Variants in MAP3K1 observed in about 807,000 individuals in gnomAD.
The protein encoded by MAP3K1 is MAP/ERK kinase kinase 1.
In MAP3K1, 36 loss-of-function variants were observed where a neutral mutation model predicts 144.2. That is an observed-to-expected ratio of 0.25 (90% confidence interval 0.19 to 0.33). The LOEUF (loss-of-function observed/expected upper bound fraction) is 0.33, where lower values mean the gene tolerates loss of function less well. MAP3K1 is among the 10% of genes least tolerant of loss of function. The pLI is 1.00. For missense variants in MAP3K1, 1,650 were observed against 1,881.9 expected (o/e 0.88, Z 2.28); for synonymous variants, 718 against 688.7 (o/e 1.04, Z -0.67).
At position 56,884,646 on chromosome 5, in the gene MAP3K1, C is replaced by T. The variant is rs371532733; in HGVS notation, c.3820-18C>T. On this transcript the variant is annotated intron_variant, in intron 15 of 19. Coordinates refer to ENST00000399503, the MANE Select transcript of MAP3K1 (RefSeq NM_005921.2). Reference sequence around the variant, plus strand: ...GTGAAAATATGCAAAACTTTGTGAACGTGTTTATTTGAAACAGGTGACTTA... The same window carrying T: ...GTGAAAATATGCAAAACTTTGTGAATGTGTTTATTTGAAACAGGTGACTTA... The T allele has an allele frequency of 9.1e-5, 147 of 1,612,526 alleles. No individual in the cohort carries two copies. Among genetic ancestry groups the T allele is most frequent in the Middle Eastern group, 3.3e-4 (2 of 6,074 alleles).
At chr5:56,842,525 A>ATAG (rs1746845442) in intron 1 of MAP3K1, among the ~76,000 whole-genome samples, 1 of 152,204 alleles carries the variant, frequency 6.6e-6, no homozygotes, top group Non-Finnish European at 1.5e-5. Flanking sequence ...GCTAGCTTTA[A>ATAG]TAGTAGTAGT....
intron 1 of MAP3K1, among the ~76,000 whole-genome samples, chr5:56,833,733 G>A (rs1746564747): frequency 6.6e-6 from 1 of 151,974 alleles, no homozygotes; most frequent in African/African-American, 2.4e-5. Flanking sequence ...TTTAATTAAT[G>A]TGTTTTAATT....
chr5:56,859,778 C>T lies in MAP3K1; in HGVS notation c.697C>T (p.Pro233Ser). ...SEMNHLAAES[P>S]GEVQASAASP... ...AATGAATCACTTAGCAGCTGAGTCTCCAGGAGAGGTCCAGGCAAGTGCGGC... is the reference window on the plus strand; with the variant it reads ...AATGAATCACTTAGCAGCTGAGTCTTCAGGAGAGGTCCAGGCAAGTGCGGC... The change falls in exon 3 of 20, where the codon CCA becomes TCA. Residue 233 changes from proline (P) to serine (S), a missense_variant. Coordinates refer to ENST00000399503, the MANE Select transcript of MAP3K1 (RefSeq NM_005921.2). 6.8e-6 allele frequency: 11 copies of T among 1,614,034 alleles called. No individual in the cohort carries two copies. Among genetic ancestry groups the T allele is most frequent in the Non-Finnish European group, 9.3e-6 (11 of 1,180,004 alleles).
chr5:56,860,784 C>A (rs1189285686), intron 3 of MAP3K1, among the ~76,000 whole-genome samples: 2 of 151,856 alleles, frequency 1.3e-5, no homozygotes, highest in East Asian at 3.9e-4. Flanking sequence ...ACCCAGGAGG[C>A]AGAGGTTGCA....
intron 1 of MAP3K1, among the ~76,000 whole-genome samples, chr5:56,835,771 T>G (rs1746635839): frequency 6.6e-6 from 1 of 151,796 alleles, no homozygotes; most frequent in Non-Finnish European, 1.5e-5. Context: ...AGGAAAAAGT[T>G]TTATTTGTGG....
intron 3 of MAP3K1, 44 bp from the exon 4 acceptor site, chr5:56,864,690 T>C (rs1747621956): frequency 6.2e-7 from 1 of 1,602,144 alleles, no homozygotes; most frequent in Non-Finnish European, 8.6e-7. Flanking sequence ...AGTTTCTTAA[T>C]TAAGAAATGA....
intron 17 of MAP3K1, 94 bp downstream of exon 17, chr5:56,886,157 A>T (rs1748373013): frequency 3.0e-6 from 3 of 1,016,096 alleles, no homozygotes; most frequent in Non-Finnish European, 3.0e-6. Context: ...TAATCCCAGT[A>T]CTTTGGGAGG....
At position 56,865,339 on chromosome 5, in the gene MAP3K1, G is replaced by T; in HGVS notation, c.1036-1G>T. 1 of 1,570,476 alleles carries T rather than the reference G, an allele frequency of 6.4e-7. No homozygotes were observed. The highest frequency in any genetic ancestry group is 8.8e-7 in the Non-Finnish European group (1 of 1,140,522). ...TATAGGTTTTCTTTTTAACTCTTTA[G>T]AACTGCAGCTGTGCACGTGGAACAT... On this transcript the variant is annotated splice_acceptor_variant, in intron 4 of 19. Coordinates refer to ENST00000399503, the MANE Select transcript of MAP3K1 (RefSeq NM_005921.2). LOFTEE classifies it high-confidence loss of function.
At chr5:56,892,859 G>T (rs1451586102) in intron 19 of MAP3K1, among the ~76,000 whole-genome samples, 1 of 151,596 alleles carries the variant, frequency 6.6e-6, no homozygotes, top group East Asian at 1.9e-4. Context: ...TTAAAATATG[G>T]TTATTGCAGC....
intron 8 of MAP3K1, 39 bp downstream of exon 8, chr5:56,872,761 A>T (rs747614663): frequency 6.9e-6 from 11 of 1,603,250 alleles, no homozygotes; most frequent in South Asian, 5.5e-5. Context: ...TTTAATTTTT[A>T]AAAATTTCTC....
In MAP3K1 at chr5:56,815,936, C is replaced by A; in HGVS notation, c.363C>A (p.Gly121=). The A allele has an allele frequency of 7.9e-7, 1 of 1,263,068 alleles. No individual in the cohort carries two copies. Among genetic ancestry groups the A allele is most frequent in the South Asian group, 2.8e-5 (1 of 35,992 alleles). The allele number at this position is 1,263,068 out of a possible 1,614,324, so 78.2% of individuals were successfully genotyped here. ...PPPHGAASRG[G]AHLTESVAAP... is the part of the protein sequence containing the mutation. ...CCCACGGAGCCGCGAGCCGCGGCGG[C>A]GCCCACCTTACCGAGTCGGTGGCGG... is the stretch of plus-strand genomic sequence containing the variant. The change falls in exon 1 of 20, where the codon GGC becomes GGA. Residue 121 remains glycine, a synonymous_variant. Coordinates refer to ENST00000399503, the MANE Select transcript of MAP3K1 (RefSeq NM_005921.2).
At chr5:56,876,628 C>T (rs892416820) in intron 10 of MAP3K1, among the ~76,000 whole-genome samples, 2 of 152,120 alleles carry the variant, frequency 1.3e-5, no homozygotes, top group African/African-American at 2.4e-5. Context: ...TAGAGACAGA[C>T]CTGGATTCAA....
rs375239979 is a variant in MAP3K1, at chr5:56,856,740, G to A, written c.623G>A (p.Arg208Gln). 27 of 1,613,810 alleles carry A rather than the reference G, an allele frequency of 1.7e-5. No individual in the cohort carries two copies. The highest frequency in any genetic ancestry group is 2.0e-5 in the Non-Finnish European group (24 of 1,179,822). Residue 208 changes from arginine (R) to glutamine (Q), a missense_variant, in exon 2 of 20, where the codon CGA becomes CAA. By Grantham distance (43) the Arg-to-Gln change is conservative. Coordinates refer to ENST00000399503, the MANE Select transcript of MAP3K1 (RefSeq NM_005921.2). ...GAATGGTTGGAAAGGAGAAATAGGCGAGGGCCTGTGGTAAGTGGCTATGGG... is the reference window on the plus strand; with the variant it reads ...GAATGGTTGGAAAGGAGAAATAGGCAAGGGCCTGTGGTAAGTGGCTATGGG... ...KHEWLERRNR[R>Q]GPVVVKPIPV...
chr5:56,886,763 C>T (rs531360810), intron 17 of MAP3K1, among the ~76,000 whole-genome samples: 3 of 151,998 alleles, frequency 2.0e-5, no homozygotes, highest in Admixed American at 2.0e-4. Context: ...CATTATTTTC[C>T]TTATCCTTTT....
chr5:56,875,805 G>T (rs1489120096), intron 10 of MAP3K1, among the ~76,000 whole-genome samples: 1 of 152,122 alleles, frequency 6.6e-6, no homozygotes, highest in African/African-American at 2.4e-5. Context: ...ACATTTTTCT[G>T]AGCAGATACC....
intron 6 of MAP3K1, among the ~76,000 whole-genome samples, chr5:56,868,525 C>T (rs1216350861): frequency 1.3e-5 from 2 of 152,090 alleles, no homozygotes; most frequent in Non-Finnish European, 2.9e-5. Context: ...GCTGGGATTA[C>T]AGGCGCCTGC....
Position 56,815,585 on chromosome 5 carries a change from G to A in MAP3K1, c.12G>A (p.Ala4=). Residue 4 remains alanine (A), a synonymous_variant, in exon 1 of 20, where the codon GCG becomes GCA. Transcript: ENST00000399503. MAA[A]AGNRASSSGF... ...GCCCGCGAGAGAAAATGGCGGCGGCGGCGGGGAATCGCGCCTCGTCGTCGG... is the reference window on the plus strand; with the variant it reads ...GCCCGCGAGAGAAAATGGCGGCGGCAGCGGGGAATCGCGCCTCGTCGTCGG... The A allele has an allele frequency of 7.7e-7, 1 of 1,298,626 alleles. No homozygotes were observed. Among genetic ancestry groups the A allele is most frequent in the Non-Finnish European group, 9.7e-7 (1 of 1,026,432 alleles). 80.4% of individuals were successfully genotyped at this position (1,298,626 alleles called of 1,614,324 possible).
At chr5:56,870,086 T>G (rs1747804504) in intron 6 of MAP3K1, among the ~76,000 whole-genome samples, 1 of 152,174 alleles carries the variant, frequency 6.6e-6, no homozygotes, top group Non-Finnish European at 1.5e-5. Context: ...GAAAAGTAGT[T>G]ACTGTTTTTG....
chr5:56,861,007 G>A (rs1426851378), intron 3 of MAP3K1, among the ~76,000 whole-genome samples: 2 of 152,104 alleles, frequency 1.3e-5, no homozygotes, highest in Non-Finnish European at 1.5e-5. Context: ...GATAAGATTG[G>A]TGATAACAAA....
Sources: allele counts gnomAD v4.1 joint callset (sites outside exome capture counted in the v4.1 genomes callset), GRCh38; gene constraint gnomAD v4.1.1; transcripts MANE v1.5; gene names NCBI Gene and HGNC (gene_info 2026-07-23, HGNC 2026-07-21).